TRAPPC9: variants seen among roughly 807,000 people sequenced by gnomAD.
TRAPPC9 encodes the protein trafficking protein particle complex subunit 9.
TRAPPC9 carries 83 observed loss-of-function variants against 124.0 expected under a neutral mutation model. The ratio of observed to expected loss-of-function variants is 0.67; its 90% CI spans 0.56 to 0.80. The LOEUF (loss-of-function observed/expected upper bound fraction) is 0.80, where lower values mean the gene tolerates loss of function less well. Among genes scored for constraint, TRAPPC9 ranks in the 30% least tolerant of loss-of-function variants. The pLI is 0.00. For synonymous variants in TRAPPC9, 638 were observed against 617.5 expected, an observed-to-expected ratio of 1.03 and a Z score of -0.49; for missense variants, 1,302 against 1,508.3, an observed-to-expected ratio of 0.86 and a Z score of 2.27.
At chr8:139,947,924 C>CGAGAGA (rs59675753) in intron 19 of TRAPPC9, among the ~76,000 whole-genome samples, 2,938 of 82,512 alleles carry the variant, frequency 0.036, 139 homozygotes, top group Non-Finnish European at 0.048. Context: ...AGAGAGAGAG[C>CGAGAGA]GAGAGAGAGA....
intron 21 of TRAPPC9, among the ~76,000 whole-genome samples, chr8:139,882,430 G>T (rs1587085540): frequency 6.6e-6 from 1 of 152,168 alleles, no homozygotes; most frequent in Non-Finnish European, 1.5e-5. Context: ...CATGAAGAAG[G>T]CCTTTGCGTT....
chr8:139,812,146 T>C (rs1401777253), intron 21 of TRAPPC9, among the ~76,000 whole-genome samples: 2 of 152,164 alleles, frequency 1.3e-5, no homozygotes. Context: ...ATTTTGTGGT[T>C]CTGATGGAAA....
intron 21 of TRAPPC9, among the ~76,000 whole-genome samples, chr8:139,803,315 C>T (rs973383993): frequency 2.0e-5 from 3 of 152,226 alleles, no homozygotes; most frequent in East Asian, 1.9e-4. Context: ...AACTCTAGAG[C>T]GGCGAGTCCT....
chr8:140,018,122 C>G (rs1225981765), intron 18 of TRAPPC9, among the ~76,000 whole-genome samples: 1 of 152,124 alleles, frequency 6.6e-6, no homozygotes, highest in Non-Finnish European at 1.5e-5. Flanking sequence ...GGATTATAGG[C>G]ATGAACCACC....
At chr8:140,155,909 T>C (rs10107693) in intron 17 of TRAPPC9, among the ~76,000 whole-genome samples, 57,836 of 152,032 alleles carry the variant, frequency 0.38, 11,920 homozygotes, top group African/African-American at 0.53. Flanking sequence ...CGATCAAGGG[T>C]ATAACTTGCT....
chr8:139,760,016 T>C (rs1431995390), intron 21 of TRAPPC9, among the ~76,000 whole-genome samples: 2 of 152,250 alleles, frequency 1.3e-5, no homozygotes, highest in Admixed American at 1.3e-4. Flanking sequence ...ACGCCCGTCA[T>C]GTCTGACCCC....
At chr8:140,046,858 C>T (rs1034140964) in intron 17 of TRAPPC9, among the ~76,000 whole-genome samples, 1 of 152,172 alleles carries the variant, frequency 6.6e-6, no homozygotes, top group Non-Finnish European at 1.5e-5. Context: ...AAGCAACCAA[C>T]CTGGGCACAT....
chr8:139,829,674 T>C (rs1013064535), intron 21 of TRAPPC9, among the ~76,000 whole-genome samples: 1 of 152,198 alleles, frequency 6.6e-6, no homozygotes, highest in Non-Finnish European at 1.5e-5. Context: ...CTCACACAGT[T>C]TGCGGGGCTA....
At chr8:139,985,256 A>G (rs1837172124) in intron 19 of TRAPPC9, among the ~76,000 whole-genome samples, 2 of 152,342 alleles carry the variant, frequency 1.3e-5, no homozygotes, top group South Asian at 4.1e-4. Flanking sequence ...AGCTTACTAT[A>G]CAGGACAAGC....
At chr8:139,735,758 G>A (rs2129990566) in intron 21 of TRAPPC9, among the ~76,000 whole-genome samples, 1 of 151,988 alleles carries the variant, frequency 6.6e-6, no homozygotes, top group South Asian at 2.1e-4. Context: ...AGCCACGCTG[G>A]CCTGCCTGTT....
At chr8:140,434,473 C>T (rs888872630) in intron 4 of TRAPPC9, among the ~76,000 whole-genome samples, 1 of 152,174 alleles carries the variant, frequency 6.6e-6, no homozygotes, top group Non-Finnish European at 1.5e-5. Context: ...CTCCCAGGCC[C>T]TGAATCAGCT....
chr8:140,085,246 C>G (rs974319621), intron 17 of TRAPPC9, among the ~76,000 whole-genome samples: 1 of 151,994 alleles, frequency 6.6e-6, no homozygotes, highest in Admixed American at 6.6e-5. Flanking sequence ...CGAGCCCACA[C>G]GCCCACGTCC....
intron 21 of TRAPPC9, among the ~76,000 whole-genome samples, chr8:139,830,293 GCA>G (rs35791031): frequency 7.3e-6 from 1 of 137,908 alleles, no homozygotes; most frequent in Non-Finnish European, 1.6e-5. Flanking sequence ...GCATACACAT[GCA>G]CACACACTAC....
At chr8:140,267,817 C>T (rs1326779884) in intron 15 of TRAPPC9, among the ~76,000 whole-genome samples, 1 of 152,146 alleles carries the variant, frequency 6.6e-6, no homozygotes, top group Non-Finnish European at 1.5e-5. Context: ...CAGGTGCCCA[C>T]CACCAAGCAC....
At chr8:140,135,377 C>A (rs1225887912) in intron 17 of TRAPPC9, among the ~76,000 whole-genome samples, 1 of 152,026 alleles carries the variant, frequency 6.6e-6, no homozygotes, top group Non-Finnish European at 1.5e-5. Context: ...GTCACAATAG[C>A]CAAAAGGCAA....
rs1277435095 is a variant in TRAPPC9 at position 140,252,902 on chromosome 8, C to T, written c.2306G>A (p.Trp769Ter). ...CTGGGCAAGGGTTTCCTCTAGCTTCCAGCTCAAGAAGTCGCCATACAATTT... is the reference window on the plus strand; with the variant it reads ...CTGGGCAAGGGTTTCCTCTAGCTTCTAGCTCAAGAAGTCGCCATACAATTT... The part of the protein sequence containing the change: ...KEKLYGDFLS[W>*]KLEETLAQFP... The change falls in exon 16 of 23, where the codon TGG becomes TAG. Residue 769 changes from tryptophan (W) to a stop codon, truncating the protein, a stop_gained. Transcript: ENST00000438773. LOFTEE classifies it high-confidence loss of function. The surrounding 1 kb of genome is among the most constrained non-coding windows in gnomAD (Gnocchi z 4.2). 1.2e-6 allele frequency: 2 copies of T among 1,614,064 alleles called. No individual in the cohort carries two copies. The highest frequency in any genetic ancestry group is 1.7e-6 in the Non-Finnish European group (2 of 1,180,030).
intron 21 of TRAPPC9, among the ~76,000 whole-genome samples, chr8:139,738,270 A>G (rs2130031070): frequency 6.6e-6 from 1 of 152,328 alleles, no homozygotes; most frequent in South Asian, 2.1e-4. Flanking sequence ...AAACATGCCT[A>G]GCAAAGCCTC....
At chr8:140,454,315 T>TA (rs34542082) in intron 1 of TRAPPC9, among the ~76,000 whole-genome samples, 1 of 149,226 alleles carries the variant, frequency 6.7e-6, no homozygotes. Context: ...AAAAATGATT[T>TA]AAAAATAAAA....
intron 18 of TRAPPC9, among the ~76,000 whole-genome samples, chr8:140,005,909 A>G (rs956347537): frequency 2.2e-5 from 3 of 135,764 alleles, no homozygotes. Context: ...GACCCTGTCT[A>G]AAAAAAAAAA....
Sources: gnomAD v4.1 joint callset for allele counts (sites outside exome capture counted in the v4.1 genomes callset) on GRCh38, gnomAD v4.1.1 for gene constraint, Gnocchi (gnomAD v3.1) non-coding constraint, MANE v1.5 for transcripts, NCBI Gene and HGNC (gene_info 2026-07-23, HGNC 2026-07-21) for gene names.